KIF26B: variants seen among roughly 807,000 people sequenced by gnomAD.
The protein encoded by KIF26B is kinesin family member 26B.
KIF26B carries 63 observed loss-of-function variants against 151.2 expected under a neutral mutation model. The ratio of observed to expected loss-of-function variants is 0.42; its 90% confidence interval spans 0.34 to 0.51. The LOEUF (loss-of-function observed/expected upper bound fraction) is 0.51, where lower values mean the gene tolerates loss of function less well. Among genes scored for constraint, KIF26B ranks in the 20% least tolerant of loss-of-function variants. KIF26B has a pLI of 0.07. For missense variants in KIF26B, 2,813 were observed against 2,913.6 expected (o/e 0.97, Z 0.79); for synonymous variants, 1,357 against 1,262.1 (o/e 1.08, Z -1.59).
chr1:245,316,612 G>T (rs563276106), intron 2 of KIF26B, among the ~76,000 whole-genome samples: 17 of 151,866 alleles, frequency 1.1e-4, no homozygotes, highest in Admixed American at 9.8e-4. Flanking sequence ...GTTGTAGCCT[G>T]TTTCCTATTC....
intron 4 of KIF26B, among the ~76,000 whole-genome samples, chr1:245,520,334 G>T (rs886450522): frequency 6.6e-6 from 1 of 152,178 alleles, no homozygotes; most frequent in African/African-American, 2.4e-5. Flanking sequence ...TCTCCCAGAG[G>T]CTTGGGAAAA....
At chr1:245,413,519 T>C (rs1026290637) in intron 3 of KIF26B, among the ~76,000 whole-genome samples, 2 of 151,934 alleles carry the variant, frequency 1.3e-5, no homozygotes, top group African/African-American at 4.8e-5. Context: ...AAAAATTAGC[T>C]GGGCATGGTG....
At chr1:245,207,902 A>G (rs1362676292) in intron 2 of KIF26B, among the ~76,000 whole-genome samples, 1 of 152,176 alleles carries the variant, frequency 6.6e-6, no homozygotes, top group Non-Finnish European at 1.5e-5. Context: ...GTATCTCATA[A>G]AAGAGCTGTA....
chr1:245,518,023 C>T (rs987078326), intron 4 of KIF26B, among the ~76,000 whole-genome samples: 2 of 151,958 alleles, frequency 1.3e-5, no homozygotes, highest in Admixed American at 6.6e-5. Flanking sequence ...AGACGCCTGC[C>T]ACAACAATCG....
chr1:245,604,253 G>A (rs910676768), intron 6 of KIF26B, among the ~76,000 whole-genome samples: 1 of 152,116 alleles, frequency 6.6e-6, no homozygotes, highest in African/African-American at 2.4e-5. Context: ...AGAACCTGAC[G>A]ACAACAGTGC....
intron 2 of KIF26B, among the ~76,000 whole-genome samples, chr1:245,242,170 C>T (rs1670220111): frequency 6.6e-6 from 1 of 152,166 alleles, no homozygotes; most frequent in Non-Finnish European, 1.5e-5. Flanking sequence ...GCTGGAGGAT[C>T]TCTTGAGGCC....
At chr1:245,545,091 G>A (rs1007409105) in intron 5 of KIF26B, among the ~76,000 whole-genome samples, 6 of 146,926 alleles carry the variant, frequency 4.1e-5, no homozygotes, top group East Asian at 4.1e-4. Flanking sequence ...AGCATTTCCT[G>A]ATACACAGCA....
At chr1:245,575,056 G>A (rs1369246695) in intron 5 of KIF26B, among the ~76,000 whole-genome samples, 11 of 150,974 alleles carry the variant, frequency 7.3e-5, no homozygotes, top group South Asian at 4.2e-4. Context: ...TAGTAGAGAC[G>A]GGGTTTCACC....
At chr1:245,324,082 G>C (rs113360419) in intron 2 of KIF26B, among the ~76,000 whole-genome samples, 87 of 130,022 alleles carry the variant, frequency 6.7e-4, no homozygotes, top group Non-Finnish European at 9.5e-4. Context: ...GAGGTGGGGT[G>C]GGCCCTGCCA....
rs1365807786 is a variant in KIF26B, at chr1:245,516,771, AC to A, written c.1167-23995del. On this transcript the variant is annotated intron_variant, in intron 4 of 14. Coordinates refer to ENST00000407071, the MANE Select transcript of KIF26B (RefSeq NM_018012.4). This position sits in a 1 kb window ranked among gnomAD's most constrained non-coding sequence, Gnocchi z 4.2. The stretch of plus-strand genomic sequence containing the variant: ...TCTGTAAGCTCCTTGCTTAAGTAAT[AC>A]GCTCCTTGACGGCCAAAACTGTCAT... 6.6e-6 allele frequency among the ~76,000 whole-genome samples: 1 copy of A among 152,142 alleles called. No homozygotes were observed. Among genetic ancestry groups the A allele is most frequent in the Non-Finnish European group, 1.5e-5 (1 of 68,028 alleles).
intron 3 of KIF26B, among the ~76,000 whole-genome samples, chr1:245,370,146 C>A (rs536598378): frequency 6.6e-6 from 1 of 152,260 alleles, no homozygotes; most frequent in Non-Finnish European, 1.5e-5. Flanking sequence ...TTTGGGGATA[C>A]TTCCTCCTAG....
At position 245,494,885 on chromosome 1, in the gene KIF26B, C is replaced by T. The variant is rs955838451; in HGVS notation, c.1167-45882C>T. Among the ~76,000 whole-genome samples the T allele has an allele frequency of 6.7e-4, 102 of 151,762 alleles. 1 individual carries two copies. Among genetic ancestry groups the T allele is most frequent in the Middle Eastern group, 3.4e-3 (1 of 294 alleles). ...TGAAACTCTGTCTCTATAAAAAATA[C>T]AAAAATTAGCCAGGCATGGTGGCGC... On this transcript the variant is annotated intron_variant, in intron 4 of 14. Transcript: ENST00000407071.
intron 5 of KIF26B, among the ~76,000 whole-genome samples, chr1:245,562,109 C>G (rs778979612): frequency 6.6e-6 from 1 of 152,022 alleles, no homozygotes; most frequent in Admixed American, 6.5e-5. Context: ...CGTACTTTGT[C>G]TCCGCGGTGG....
intron 2 of KIF26B, among the ~76,000 whole-genome samples, chr1:245,315,754 G>T (rs1671758706): frequency 6.6e-6 from 1 of 151,816 alleles, no homozygotes. Context: ...GTCGGGTGTG[G>T]TGGTGCACGT....
intron 4 of KIF26B, among the ~76,000 whole-genome samples, chr1:245,498,176 G>A (rs76478689): frequency 0.024 from 3,683 of 152,220 alleles, 151 homozygotes; most frequent in African/African-American, 0.083. Context: ...GGAGCAGGAC[G>A]AGGTAAGTGA....
At chr1:245,471,200 G>A (rs748933822) in intron 4 of KIF26B, among the ~76,000 whole-genome samples, 1 of 151,616 alleles carries the variant, frequency 6.6e-6, no homozygotes, top group Non-Finnish European at 1.5e-5. Flanking sequence ...GCACCATCTC[G>A]GCTCACTGCA....
At chr1:245,406,948 T>C (rs1314819212) in intron 3 of KIF26B, among the ~76,000 whole-genome samples, 1 of 151,958 alleles carries the variant, frequency 6.6e-6, no homozygotes, top group East Asian at 1.9e-4. Flanking sequence ...CCACCACGCC[T>C]GGCTAATTTT....
chr1:245,574,989 C>T (rs1248657654), intron 5 of KIF26B, among the ~76,000 whole-genome samples: 4 of 150,892 alleles, frequency 2.7e-5, no homozygotes, highest in South Asian at 2.1e-4. Flanking sequence ...CTCAGCCTCC[C>T]GAGTAGCTGG....
chr1:245,376,998 T>TCTGC (rs1338654812), intron 3 of KIF26B, among the ~76,000 whole-genome samples: 2 of 149,290 alleles, frequency 1.3e-5, no homozygotes, highest in Non-Finnish European at 3.0e-5. Flanking sequence ...CACTGCAACC[T>TCTGC]CTGCCTCCTG....
Sources: gnomAD v4.1 joint callset for allele counts (sites outside exome capture counted in the v4.1 genomes callset) on GRCh38, gnomAD v4.1.1 for gene constraint, Gnocchi (gnomAD v3.1) non-coding constraint, MANE v1.5 for transcripts, NCBI Gene and HGNC (gene_info 2026-07-23, HGNC 2026-07-21) for gene names.